BCAS3: variants seen among roughly 807,000 people sequenced by gnomAD.
The protein encoded by BCAS3 is BCAS4/BCAS3 fusion.
BCAS3 carries 53 observed loss-of-function variants against 116.1 expected under a neutral mutation model. The ratio of observed to expected loss-of-function variants is 0.46; its 90% CI spans 0.37 to 0.57. The LOEUF (loss-of-function observed/expected upper bound fraction) is 0.57. Among genes scored for constraint, BCAS3 ranks in the 20% least tolerant of loss-of-function variants. The probability of loss-of-function intolerance (pLI) is 0.00; values close to 1 mark genes in which losing one functional copy is unlikely to be tolerated. For synonymous variants in BCAS3, 391 were observed against 408.2 expected (o/e 0.96, Z 0.51); for missense variants, 917 against 1,165.4 (o/e 0.79, Z 3.10).
At chr17:60,812,935 T>G (rs2048972569) in intron 7 of BCAS3, among the ~76,000 whole-genome samples, 1 of 152,090 alleles carries the variant, frequency 6.6e-6, no homozygotes. Flanking sequence ...AAGAGATAAG[T>G]TCCCACGATG....
At chr17:61,052,316 A>G (rs1174931824) in intron 19 of BCAS3, among the ~76,000 whole-genome samples, 2 of 151,866 alleles carry the variant, frequency 1.3e-5, no homozygotes, top group Non-Finnish European at 2.9e-5. Context: ...CTTTGTGTTA[A>G]TTTCATTCAA....
rs1328161479 is a variant in BCAS3, at chr17:61,226,067, C to A, written c.2425+141503C>A. ...TCTGTGTTCAAAAATACAGCATGAG[C>A]AAGCTGTAATGGTGCCTGTCGAGAG... is the stretch of plus-strand genomic sequence containing the variant. On this transcript the variant is annotated intron_variant, in intron 22 of 23. Transcript: ENST00000407086. This position sits in a 1 kb window ranked among gnomAD's most constrained non-coding sequence, Gnocchi z 6.0. Among the ~76,000 whole-genome samples, 1 of 152,130 alleles carries A rather than the reference C, an allele frequency of 6.6e-6. No homozygotes were observed.
intron 10 of BCAS3, among the ~76,000 whole-genome samples, chr17:60,892,687 G>A (rs1025296446): frequency 3.9e-5 from 6 of 151,918 alleles, no homozygotes; most frequent in Non-Finnish European, 7.4e-5. Context: ...TTGAGAGGCC[G>A]AGGTGGGTGG....
rs181855295 is a variant in BCAS3, at chr17:61,154,617, T to C, written c.2425+70053T>C. ...ACCTGACTAATTTTTTTACTTTTTATTTTTTTCTATAGATGAGATCTCTCT... is the reference window on the plus strand; with the variant it reads ...ACCTGACTAATTTTTTTACTTTTTACTTTTTTCTATAGATGAGATCTCTCT... On this transcript the variant is annotated intron_variant, in intron 22 of 23. Coordinates refer to ENST00000407086, the MANE Select transcript of BCAS3 (RefSeq NM_017679.5). Among the ~76,000 whole-genome samples, 398 of 152,028 alleles carry C rather than the reference T, an allele frequency of 2.6e-3. 2 individuals carry two copies. The highest frequency in any genetic ancestry group is 9.3e-3 in the African/African-American group (386 of 41,476).
At position 61,048,435 on chromosome 17, in the gene BCAS3, T is replaced by C. The variant is rs990642721; in HGVS notation, c.2029+7543T>C. On this transcript the variant is annotated intron_variant, in intron 19 of 23. Transcript: ENST00000407086. ...TTGGAGTTTCTAGGCTGTGTTACAG[T>C]AAGGGAGAAAGCAAGTGAAACCCAG... is the stretch of plus-strand genomic sequence containing the variant. Among the ~76,000 whole-genome samples, 4 of 151,936 alleles carry C rather than the reference T, an allele frequency of 2.6e-5. No individual in the cohort carries two copies. The South Asian group carries it at 6.2e-4, about 24-fold the overall frequency.
chr17:60,739,835 A>G (rs1430384920), intron 5 of BCAS3, among the ~76,000 whole-genome samples: 1 of 151,088 alleles, frequency 6.6e-6, no homozygotes, highest in Non-Finnish European at 1.5e-5. Context: ...TTTTTGAAGG[A>G]TGAGTTTTCA....
rs16945017 is a variant in BCAS3, at chr17:61,208,176, C to G, written c.2425+123612C>G. 0.22 allele frequency among the ~76,000 whole-genome samples: 32,835 copies of G among 151,988 alleles called. 4,471 individuals carry two copies. The highest frequency in any genetic ancestry group is 0.39 in the African/African-American group (16,127 of 41,404). On this transcript the variant is annotated intron_variant, in intron 22 of 23. Coordinates refer to ENST00000407086, the MANE Select transcript of BCAS3 (RefSeq NM_017679.5). This position sits in a 1 kb window ranked among gnomAD's most constrained non-coding sequence, Gnocchi z 4.5. The stretch of plus-strand genomic sequence containing the variant: ...AGGATGGGAAGGTTTCATGAACTTT[C>G]CAGAGACTAGTAACTTCCTATTCCA...
intron 5 of BCAS3, among the ~76,000 whole-genome samples, chr17:60,710,725 C>G (rs2037803121): frequency 6.6e-6 from 1 of 151,198 alleles, no homozygotes; most frequent in Non-Finnish European, 1.5e-5. Context: ...GCCACCATGC[C>G]TGGCCAACAT....
intron 5 of BCAS3, among the ~76,000 whole-genome samples, chr17:60,731,172 G>A (rs565674027): frequency 6.6e-6 from 1 of 152,244 alleles, no homozygotes; most frequent in Non-Finnish European, 1.5e-5. Flanking sequence ...TACATGTGAA[G>A]TAATTAGCAA....
At chr17:61,010,487 TC>T (rs1319387176) in intron 15 of BCAS3, among the ~76,000 whole-genome samples, 1 of 150,112 alleles carries the variant, frequency 6.7e-6, no homozygotes, top group Non-Finnish European at 1.5e-5. Flanking sequence ...TTTTCATAAT[TC>T]CTTTTTTTTT....
intron 12 of BCAS3, among the ~76,000 whole-genome samples, chr17:60,919,601 G>A (rs1302715029): frequency 2.6e-5 from 4 of 152,052 alleles, no homozygotes; most frequent in Non-Finnish European, 4.4e-5. Flanking sequence ...GGGATTATAG[G>A]CGTGAGCCAC....
chr17:61,163,105 G>T (rs2078258516), intron 22 of BCAS3, among the ~76,000 whole-genome samples: 1 of 152,124 alleles, frequency 6.6e-6, no homozygotes, highest in Admixed American at 6.6e-5. Flanking sequence ...AAACCCTGCG[G>T]CACACACGAT....
rs1405431431 is a variant in BCAS3, at chr17:61,004,580, A to G, written c.1487-11171A>G. On this transcript the variant is annotated intron_variant, in intron 15 of 23. Transcript: ENST00000407086. The surrounding 1 kb of genome is among the most constrained non-coding windows in gnomAD (Gnocchi z 4.8). The stretch of plus-strand genomic sequence containing the variant: ...GTTGATAGTTGTAAACTACAAAAGG[A>G]CAACAAGACAGGGATCAGGGCTATA... Among the ~76,000 whole-genome samples, 1 of 152,162 alleles carries G rather than the reference A, an allele frequency of 6.6e-6. No homozygotes were observed. Among genetic ancestry groups the G allele is most frequent in the Non-Finnish European group, 1.5e-5 (1 of 68,016 alleles).
At chr17:60,752,209 G>A (rs1007908877) in intron 6 of BCAS3, among the ~76,000 whole-genome samples, 14 of 150,186 alleles carry the variant, frequency 9.3e-5, no homozygotes, top group East Asian at 7.9e-4. Context: ...TTTTCATAAC[G>A]ATTTATAGTG....
In BCAS3 at chr17:61,180,879, T is replaced by C. The variant is rs980254837; in HGVS notation, c.2425+96315T>C. Among the ~76,000 whole-genome samples the C allele has an allele frequency of 2.6e-5, 4 of 152,148 alleles. No individual in the cohort carries two copies. The highest frequency in any genetic ancestry group is 2.6e-4 in the Admixed American group (4 of 15,268). ...CAGGGTCTTATCTTTTGTCATTGCATCCCTAGTTAGAATAGTCCCTGATGG... is the reference window on the plus strand; with the variant it reads ...CAGGGTCTTATCTTTTGTCATTGCACCCCTAGTTAGAATAGTCCCTGATGG... On this transcript the variant is annotated intron_variant, in intron 22 of 23. Coordinates refer to ENST00000407086, the MANE Select transcript of BCAS3 (RefSeq NM_017679.5). This position sits in a 1 kb window ranked among gnomAD's most constrained non-coding sequence, Gnocchi z 6.0.
rs2057934075 is a variant in BCAS3, at chr17:61,352,926, A to T, written c.2426-15401A>T. ...GAATTTCTCTTGTTTGCTTTAATGG[A>T]GTGTTAACCCCCGTCGCTGGAACTC... is the stretch of plus-strand genomic sequence containing the variant. On this transcript the variant is annotated intron_variant, in intron 22 of 23. Coordinates refer to ENST00000407086, the MANE Select transcript of BCAS3 (RefSeq NM_017679.5). This position sits in a 1 kb window ranked among gnomAD's most constrained non-coding sequence, Gnocchi z 4.7. Among the ~76,000 whole-genome samples the T allele has an allele frequency of 6.6e-6, 1 of 152,076 alleles. No homozygotes were observed. Among genetic ancestry groups the T allele is most frequent in the African/African-American group, 2.4e-5 (1 of 41,422 alleles).
Position 60,990,465 on chromosome 17 carries a change from G to A in BCAS3, c.1486+230G>A, listed in dbSNP as rs938449218. 3.9e-5 allele frequency among the ~76,000 whole-genome samples: 6 copies of A among 151,962 alleles called. No homozygotes were observed. The highest frequency in any genetic ancestry group is 1.5e-4 in the African/African-American group (6 of 41,348). ...CTGTTTCAATATATAAGGGATATTT[G>A]GTATCATATTTATGGAATATAAAAC... On this transcript the variant is annotated intron_variant, in intron 15 of 23. Coordinates refer to ENST00000407086, the MANE Select transcript of BCAS3 (RefSeq NM_017679.5). This position sits in a 1 kb window ranked among gnomAD's most constrained non-coding sequence, Gnocchi z 5.1.
chr17:61,108,072 G>A (rs549935910), intron 22 of BCAS3, among the ~76,000 whole-genome samples: 2 of 152,200 alleles, frequency 1.3e-5, no homozygotes, highest in African/African-American at 4.8e-5. Context: ...GTTCCGTCAG[G>A]GTTTGCTTCA....
At chr17:60,739,486 G>A (rs116293253) in intron 5 of BCAS3, among the ~76,000 whole-genome samples, 3,265 of 152,026 alleles carry the variant, frequency 0.021, 134 homozygotes, top group African/African-American at 0.071. Flanking sequence ...CAGGTGTAGG[G>A]GCAGGCACCT....
Sources: gnomAD v4.1 joint callset for allele counts (sites outside exome capture counted in the v4.1 genomes callset) on GRCh38, gnomAD v4.1.1 for gene constraint, Gnocchi (gnomAD v3.1) non-coding constraint, MANE v1.5 for transcripts, NCBI Gene and HGNC (gene_info 2026-07-23, HGNC 2026-07-21) for gene names.